TMEM150C: variants seen among roughly 807,000 people sequenced by gnomAD.
TMEM150C encodes the protein transmembrane protein 150C, also known as tentonin 3.
In TMEM150C, 10 loss-of-function variants were observed where a neutral mutation model predicts 29.9. That is an observed-to-expected ratio of 0.33 (90% confidence interval 0.21 to 0.57). The LOEUF (loss-of-function observed/expected upper bound fraction) is 0.57. TMEM150C is among the 20% of genes least tolerant of loss of function. TMEM150C has a pLI of 0.88. For missense variants in TMEM150C, 251 were observed against 303.6 expected (o/e 0.83, Z 1.29); for synonymous variants, 101 against 112.5 (o/e 0.90, Z 0.64).
Position 82,549,542 on chromosome 4 carries a change from C to T in TMEM150C, c.-11+12364G>A, listed in dbSNP as rs1201572308. Among the ~76,000 whole-genome samples the T allele has an allele frequency of 3.3e-5, 5 of 152,186 alleles. No individual in the cohort carries two copies. The East Asian group carries it at 5.8e-4, about 18-fold the overall frequency. On this transcript the variant is annotated intron_variant, in intron 1 of 7. Coordinates refer to ENST00000449862, the MANE Select transcript of TMEM150C (RefSeq NM_001080506.3). ...AAAGAAGTTTTGGAGATTGGATGTA[C>T]AGCAATGTTAATATACTTGGGACTA...
intron 7 of TMEM150C, among the ~76,000 whole-genome samples, chr4:82,488,254 C>T (rs1326447941): frequency 6.6e-6 from 1 of 152,144 alleles, no homozygotes; most frequent in Non-Finnish European, 1.5e-5. Flanking sequence ...CAGGTTGCTG[C>T]GAATGCCATT....
In TMEM150C at chr4:82,560,078, T is replaced by G. The variant is rs139786832; in HGVS notation, c.-11+1828A>C. 6.2e-3 allele frequency among the ~76,000 whole-genome samples: 946 copies of G among 152,126 alleles called. 13 individuals are homozygous for G. Among genetic ancestry groups the G allele is most frequent in the African/African-American group, 0.022 (895 of 41,494 alleles). ...TCATTGTGAACATGATTGTGGTAGT[T>G]CTACAACAAAGGCTAAATAGAACGC... On this transcript the variant is annotated intron_variant, in intron 1 of 7. Coordinates refer to ENST00000449862, the MANE Select transcript of TMEM150C (RefSeq NM_001080506.3).
chr4:82,530,756 G>A (rs1214366467), intron 1 of TMEM150C, among the ~76,000 whole-genome samples: 4 of 152,196 alleles, frequency 2.6e-5, no homozygotes, highest in Admixed American at 6.5e-5. Context: ...AAGAAAAGAG[G>A]TTTTATTGGC....
intron 2 of TMEM150C, among the ~76,000 whole-genome samples, chr4:82,503,719 G>GGCA (rs1482161521): frequency 1.3e-5 from 2 of 152,012 alleles, no homozygotes; most frequent in Non-Finnish European, 2.9e-5. Context: ...GTGTGGTGGT[G>GGCA]GGCGCCTGTA....
At chr4:82,542,640 A>C (rs774254375) in intron 1 of TMEM150C, among the ~76,000 whole-genome samples, 1 of 152,134 alleles carries the variant, frequency 6.6e-6, no homozygotes, top group Non-Finnish European at 1.5e-5. Context: ...TTGTCTTAAA[A>C]ATTTGTAATG....
chr4:82,491,946 TTG>T (rs202150976), intron 6 of TMEM150C, among the ~76,000 whole-genome samples: 35 of 137,262 alleles, frequency 2.5e-4, no homozygotes, highest in East Asian at 4.1e-4. Context: ...GTTTTTTTTT[TTG>T]GTTTTTTTTT....
intron 1 of TMEM150C, among the ~76,000 whole-genome samples, chr4:82,518,779 A>G (rs1724379389): frequency 6.6e-6 from 1 of 152,198 alleles, no homozygotes; most frequent in South Asian, 2.1e-4. Flanking sequence ...CCAGGATTGG[A>G]ACCTGACTAA....
intron 2 of TMEM150C, among the ~76,000 whole-genome samples, chr4:82,503,641 G>A (rs1185324179): frequency 6.6e-6 from 1 of 152,126 alleles, no homozygotes; most frequent in Non-Finnish European, 1.5e-5. Context: ...ACGAGGTCAG[G>A]AGATCGAGAC....
intron 2 of TMEM150C, among the ~76,000 whole-genome samples, chr4:82,503,409 T>C (rs1287469191): frequency 6.6e-6 from 1 of 152,236 alleles, no homozygotes; most frequent in African/African-American, 2.4e-5. Context: ...GGGTTCAGTT[T>C]CTAACTTCTC....
chr4:82,521,295 C>T (rs1476196495), intron 1 of TMEM150C, among the ~76,000 whole-genome samples: 1 of 152,180 alleles, frequency 6.6e-6, no homozygotes, highest in Non-Finnish European at 1.5e-5. Flanking sequence ...TTACCTTTTG[C>T]TCCTTGTTTT....
At chr4:82,531,754 CAAAAAAAAAAAAA>C (rs757992713) in intron 1 of TMEM150C, among the ~76,000 whole-genome samples, 4 of 62,294 alleles carry the variant, frequency 6.4e-5, no homozygotes, top group African/African-American at 9.2e-5. Context: ...GACTCTGTCT[CAAAAAAAAAAAAA>C]AAAAAAAAAA....
intron 6 of TMEM150C, chr4:82,490,852 C>A: frequency 1.5e-6 from 1 of 665,816 alleles, no homozygotes; most frequent in South Asian, 1.4e-5. Context: ...AGTTCTTTAG[C>A]CTTTGCCTTT....
intron 7 of TMEM150C, among the ~76,000 whole-genome samples, chr4:82,487,476 T>A (rs1723201367): frequency 6.6e-6 from 1 of 152,206 alleles, no homozygotes; most frequent in Non-Finnish European, 1.5e-5. Context: ...TCGGAGTGAT[T>A]TAAAGTCTGC....
At chr4:82,545,496 C>T (rs1725347738) in intron 1 of TMEM150C, among the ~76,000 whole-genome samples, 4 of 152,158 alleles carry the variant, frequency 2.6e-5, no homozygotes, top group Admixed American at 6.5e-5. Context: ...GACAAGGATG[C>T]CCACTCTTAC....
chr4:82,537,911 A>G (rs924062025), intron 1 of TMEM150C, among the ~76,000 whole-genome samples: 2 of 152,234 alleles, frequency 1.3e-5, no homozygotes, highest in African/African-American at 4.8e-5. Context: ...TCCGGCCTCC[A>G]GGACTGTGAA....
At chr4:82,559,441 G>A (rs1041421004) in intron 1 of TMEM150C, among the ~76,000 whole-genome samples, 1 of 151,734 alleles carries the variant, frequency 6.6e-6, no homozygotes, top group Non-Finnish European at 1.5e-5. Context: ...TGTAATCCCA[G>A]CTACTTGGGA....
intron 1 of TMEM150C, among the ~76,000 whole-genome samples, chr4:82,537,148 A>AT (rs1173027609): frequency 1.3e-5 from 2 of 151,614 alleles, no homozygotes; most frequent in South Asian, 2.1e-4. Context: ...CACCCGGCTA[A>AT]TTTTTTTTGT....
At chr4:82,518,226 G>T (rs539243422) in intron 1 of TMEM150C, among the ~76,000 whole-genome samples, 1 of 152,058 alleles carries the variant, frequency 6.6e-6, no homozygotes, top group South Asian at 2.1e-4. Flanking sequence ...TGAGGCAGGA[G>T]AATTGCTTGA....
chr4:82,525,515 G>C (rs941414993), intron 1 of TMEM150C, among the ~76,000 whole-genome samples: 2 of 152,158 alleles, frequency 1.3e-5, no homozygotes, highest in Non-Finnish European at 2.9e-5. Context: ...CAATATTCAG[G>C]ATAAAGAAAG....
Sources: allele counts gnomAD v4.1 joint callset (sites outside exome capture counted in the v4.1 genomes callset), GRCh38; gene constraint gnomAD v4.1.1; transcripts MANE v1.5; gene names NCBI Gene and HGNC (gene_info 2026-07-23, HGNC 2026-07-21).